The following PLCD4 variants were observed in gnomAD, a reference collection of about 807,000 sequenced individuals.
PLCD4 encodes phospholipase C delta 4.
A neutral mutation model predicts 90.2 loss-of-function variants in PLCD4; 63 were observed. The observed-to-expected ratio is 0.70, with a 90% CI of 0.57 to 0.86. PLCD4 has a LOEUF of 0.86. Among genes scored for constraint, PLCD4 ranks in the 40% least tolerant of loss-of-function variants. The pLI is 0.00. For synonymous variants in PLCD4, 294 were observed against 356.5 expected, an observed-to-expected ratio of 0.82 and a Z score of 1.97; for missense variants, 830 against 956.3, an observed-to-expected ratio of 0.87 and a Z score of 1.74.
chr2:218,621,739 T>C, intron 5 of PLCD4, 140 bp downstream of exon 5: 1 of 1,130,828 alleles, frequency 8.8e-7, no homozygotes, highest in Non-Finnish European at 1.3e-6. Flanking sequence ...TGCCCTAGGC[T>C]CAATGGGAAG....
chr2:218,617,890 T>C (rs922043138), intron 3 of PLCD4, among the ~76,000 whole-genome samples: 3 of 151,892 alleles, frequency 2.0e-5, no homozygotes, highest in Non-Finnish European at 4.4e-5. Flanking sequence ...ATTGAGACCA[T>C]CTGGCTAACA....
At chr2:218,623,125 T>A (rs894114242) in intron 6 of PLCD4, among the ~76,000 whole-genome samples, 1 of 152,216 alleles carries the variant, frequency 6.6e-6, no homozygotes, top group East Asian at 1.9e-4. Context: ...TGGCTCCTCA[T>A]TCCTCCATTA....
At chr2:218,608,219 C>T (rs1245526859) in intron 1 of PLCD4, 149 bp downstream of exon 1, 1 of 152,588 alleles carries the variant, frequency 6.6e-6, no homozygotes, top group Non-Finnish European at 1.5e-5. Flanking sequence ...GCTCCCACCT[C>T]CTGGTTCTCT....
chr2:218,629,457 C>T (rs1696260439), intron 7 of PLCD4, 62 bp from the exon 8 acceptor site: 3 of 1,581,912 alleles, frequency 1.9e-6, no homozygotes, highest in South Asian at 1.2e-5. Flanking sequence ...TGGGGAGAGT[C>T]CCTAGGTAGA....
chr2:218,634,523 G>A lies in PLCD4; in HGVS notation c.1789G>A (p.Gly597Ser). ...DICDGHFRQN[G>S]GCGYVLKPDF... is the part of the protein sequence containing the mutation. Reference sequence around the variant, plus strand: ...CTGTGATGGGCATTTCCGCCAGAATGGCGGCTGTGGCTATGTGCTGAAGCC... The same window carrying A: ...CTGTGATGGGCATTTCCGCCAGAATAGCGGCTGTGGCTATGTGCTGAAGCC... The change falls in exon 13 of 16, where the codon GGC (glycine) becomes AGC (serine). Residue 597 changes from glycine to serine, a missense_variant. Transcript: ENST00000450993. This position sits in a 1 kb window ranked among gnomAD's most constrained non-coding sequence, Gnocchi z 4.0. The A allele has an allele frequency of 6.2e-7, 1 of 1,614,070 alleles. No individual in the cohort carries two copies. Among genetic ancestry groups the A allele is most frequent in the Non-Finnish European group, 8.5e-7 (1 of 1,179,906 alleles).
At chr2:218,631,269 A>G (rs941557652) in intron 9 of PLCD4, among the ~76,000 whole-genome samples, 2 of 151,992 alleles carry the variant, frequency 1.3e-5, no homozygotes, top group Admixed American at 1.3e-4. Context: ...GGTTCAAGCG[A>G]TTCTCCTGCC....
At chr2:218,612,642 C>T (rs191675064) in intron 1 of PLCD4, among the ~76,000 whole-genome samples, 389 of 152,192 alleles carry the variant, frequency 2.6e-3, no homozygotes, top group African/African-American at 9.0e-3. Context: ...CGTGGTGGCT[C>T]ACAGCTGTAA....
chr2:218,626,220 T>TG lies in PLCD4; in HGVS notation c.773-1808dup, dbSNP rs1248964013. Among the ~76,000 whole-genome samples the TG allele has an allele frequency of 2.0e-5, 3 of 150,456 alleles. No homozygotes were observed. In the Admixed American group the frequency reaches 2.0e-4, roughly 10 times the overall value. ...CTGCAGTGAGTTGTGATTGTGCCACTGTATCCAGCCTGGGTGACAGAGTGA... is the reference window on the plus strand; with the variant it reads ...CTGCAGTGAGTTGTGATTGTGCCACTGGTATCCAGCCTGGGTGACAGAGTGA... On this transcript the variant is annotated intron_variant, in intron 6 of 15. Transcript: ENST00000450993.
chr2:218,610,199 G>A (rs1388189135), intron 1 of PLCD4, among the ~76,000 whole-genome samples: 2 of 151,732 alleles, frequency 1.3e-5, no homozygotes, highest in African/African-American at 2.4e-5. Flanking sequence ...ATGGGATAGG[G>A]AAAGGAAAGA....
chr2:218,612,572 G>C (rs913804161), intron 1 of PLCD4, among the ~76,000 whole-genome samples: 1 of 152,114 alleles, frequency 6.6e-6, no homozygotes, highest in Non-Finnish European at 1.5e-5. Context: ...AGGAGTTGGA[G>C]ACCAGCCTGG....
At chr2:218,632,701 T>C (rs538538364) in intron 10 of PLCD4, among the ~76,000 whole-genome samples, 2 of 152,290 alleles carry the variant, frequency 1.3e-5, no homozygotes, top group African/African-American at 2.4e-5. Context: ...GGTGTGTGTT[T>C]GTATGTGTAA....
chr2:218,613,160 G>A (rs1183449656), intron 1 of PLCD4, among the ~76,000 whole-genome samples: 1 of 152,100 alleles, frequency 6.6e-6, no homozygotes, highest in Non-Finnish European at 1.5e-5. Flanking sequence ...GGAGGTCGAG[G>A]CGGGTGGATC....
At chr2:218,616,937 G>T (rs1421343221) in intron 3 of PLCD4, among the ~76,000 whole-genome samples, 2,644 of 15,148 alleles carry the variant, frequency 0.17, 7 homozygotes, top group South Asian at 0.24. Context: ...TAGAGAGAGA[G>T]AGAGAGAGAG....
Position 218,618,779 on chromosome 2 carries a change from A to G in PLCD4, c.382A>G (p.Ser128Gly). The G allele has an allele frequency of 6.3e-7, 1 of 1,599,772 alleles. No homozygotes were observed. The highest frequency in any genetic ancestry group is 1.1e-5 in the South Asian group (1 of 88,770). Residue 128 changes from serine to glycine, a missense_variant, in exon 4 of 16, where the codon AGC becomes GGC. By Grantham distance (56) the Ser-to-Gly change is moderately conservative. Transcript: ENST00000450993. ...GLQLLVDLVT[S>G]MDHQERLDQW... ...CCAGCTGTTGGTGGATCTTGTCACC[A>G]GCATGGACCATCAGGAGCGCCTGGA...
intron 6 of PLCD4, among the ~76,000 whole-genome samples, chr2:218,625,142 AAAG>A (rs1696061286): frequency 6.7e-6 from 1 of 148,826 alleles, no homozygotes; most frequent in South Asian, 2.1e-4. Context: ...AGAAAGAAAG[AAAG>A]AAAAAAGAAA....
chr2:218,619,218 G>T (rs1389189433), intron 4 of PLCD4, among the ~76,000 whole-genome samples: 1 of 151,776 alleles, frequency 6.6e-6, no homozygotes, highest in Non-Finnish European at 1.5e-5. Context: ...ATTCATTCAT[G>T]ATCTATTAAG....
rs768240905 is a variant in PLCD4, at chr2:218,636,366, C to A, written c.2156C>A (p.Thr719Asn). 1.2e-6 allele frequency: 2 copies of A among 1,614,032 alleles called. No homozygotes were observed. The highest frequency in any genetic ancestry group is 1.7e-6 in the Non-Finnish European group (2 of 1,179,910). The change falls in exon 15 of 16, where the codon ACC (threonine) becomes AAC (asparagine). Residue 719 changes from threonine to asparagine, a missense_variant. Transcript: ENST00000450993. The part of the protein sequence containing the change: ...KSRNDFIGQY[T>N]LPWTCMQQGY... ...CGAAATGACTTTATTGGTCAGTACA[C>A]CCTGCCTTGGACCTGCATGCAACAA... is the stretch of plus-strand genomic sequence containing the variant.
chr2:218,618,395 TG>T (rs1157652369), intron 3 of PLCD4, among the ~76,000 whole-genome samples, 183 bp from the exon 4 acceptor site: 1 of 152,196 alleles, frequency 6.6e-6, no homozygotes, highest in African/African-American at 2.4e-5. Context: ...CAGTGATTCA[TG>T]TGGACTCCTG....
chr2:218,634,841 GC>G lies in PLCD4; in HGVS notation c.1896+212del, dbSNP rs1696620530. Among the ~76,000 whole-genome samples the G allele has an allele frequency of 6.6e-6, 1 of 152,162 alleles. No individual in the cohort carries two copies. Among genetic ancestry groups the G allele is most frequent in the Admixed American group, 6.5e-5 (1 of 15,274 alleles). ...CCTTAACCTCTCCATACCTCAGTCTGCTCACCTGCAAAATAGGGGTAACACT... is the reference window on the plus strand; with the variant it reads ...CCTTAACCTCTCCATACCTCAGTCTGTCACCTGCAAAATAGGGGTAACACT... On this transcript the variant is annotated intron_variant, in intron 13 of 15. Coordinates refer to ENST00000450993, the MANE Select transcript of PLCD4 (RefSeq NM_032726.4). This position sits in a 1 kb window ranked among gnomAD's most constrained non-coding sequence, Gnocchi z 4.0.
Sources: allele counts gnomAD v4.1 joint callset (sites outside exome capture counted in the v4.1 genomes callset), GRCh38; gene constraint gnomAD v4.1.1; non-coding constraint Gnocchi (gnomAD v3.1); transcripts MANE v1.5; gene names NCBI Gene and HGNC (gene_info 2026-07-23, HGNC 2026-07-21).